Variants in POU6F2 observed in about 807,000 individuals in gnomAD.
POU6F2 encodes POU class 6 homeobox 2, also known as POU domain, class 6, transcription factor 2.
A neutral mutation model predicts 71.3 loss-of-function variants in POU6F2; 31 were observed. The observed-to-expected ratio is 0.43, with a 90% CI of 0.33 to 0.59. POU6F2 has a LOEUF of 0.59. POU6F2 is among the 20% of genes least tolerant of loss of function. The pLI, the probability that POU6F2 is intolerant of heterozygous loss-of-function variation, is 0.04. For synonymous variants in POU6F2, 347 were observed against 355.7 expected (o/e 0.98, Z 0.27); for missense variants, 783 against 856.8 (o/e 0.91, Z 1.07).
At chr7:39,438,503 T>C (rs1788306237) in intron 7 of POU6F2, among the ~76,000 whole-genome samples, 2 of 152,270 alleles carry the variant, frequency 1.3e-5, no homozygotes, top group South Asian at 4.1e-4. Flanking sequence ...AAAACCACAA[T>C]GAGATACCAT....
chr7:38,985,613 G>T (rs1788443952), intron 1 of POU6F2, among the ~76,000 whole-genome samples: 1 of 152,112 alleles, frequency 6.6e-6, no homozygotes, highest in African/African-American at 2.4e-5. Context: ...AAGAGATTTT[G>T]TGAAAGTTTG....
chr7:38,992,710 C>T (rs1054305789), intron 1 of POU6F2, among the ~76,000 whole-genome samples: 6 of 151,464 alleles, frequency 4.0e-5, no homozygotes, highest in Admixed American at 6.6e-5. Flanking sequence ...TATTTTTTTG[C>T]GGCAAAAACA....
At chr7:39,138,383 C>T (rs1010364347) in intron 2 of POU6F2, among the ~76,000 whole-genome samples, 3 of 152,180 alleles carry the variant, frequency 2.0e-5, no homozygotes, top group African/African-American at 7.2e-5. Flanking sequence ...GGCCTCACAG[C>T]AGGAGTAAGC....
intron 4 of POU6F2, among the ~76,000 whole-genome samples, chr7:39,265,168 A>T (rs1160473811): frequency 3.9e-5 from 6 of 152,184 alleles, no homozygotes; most frequent in Admixed American, 2.0e-4. Context: ...TACACACCCT[A>T]GTAAAAATTC....
chr7:39,436,122 A>G (rs780777716), intron 7 of POU6F2, among the ~76,000 whole-genome samples: 6 of 152,184 alleles, frequency 3.9e-5, no homozygotes, highest in Non-Finnish European at 7.3e-5. Flanking sequence ...CTTTGATTCC[A>G]TATGAAATTT....
intron 2 of POU6F2, among the ~76,000 whole-genome samples, chr7:39,177,583 C>G (rs1240063857): frequency 6.6e-6 from 1 of 152,228 alleles, no homozygotes; most frequent in African/African-American, 2.4e-5. Context: ...CTGGCTTAAT[C>G]TGAAGCTGGT....
At chr7:39,433,053 C>T in intron 6 of POU6F2, 24 bp from the exon 7 acceptor site, 1 of 1,611,298 alleles carries the variant, frequency 6.2e-7, no homozygotes, top group Non-Finnish European at 8.5e-7. Flanking sequence ...GAGCCAGCTC[C>T]TCACCTTTGG....
chr7:39,276,176 A>G (rs905747324), intron 4 of POU6F2, among the ~76,000 whole-genome samples: 2 of 151,422 alleles, frequency 1.3e-5, no homozygotes, highest in African/African-American at 4.8e-5. Context: ...AATATCCAGA[A>G]TCTGCAATGA....
chr7:39,327,314 C>T (rs1785528770), intron 4 of POU6F2, among the ~76,000 whole-genome samples: 1 of 151,688 alleles, frequency 6.6e-6, no homozygotes, highest in South Asian at 2.1e-4. Context: ...ACGCACATAC[C>T]CACTTAACAC....
intron 1 of POU6F2, among the ~76,000 whole-genome samples, chr7:39,061,523 A>G (rs1469592870): frequency 6.6e-6 from 1 of 152,224 alleles, no homozygotes; most frequent in African/African-American, 2.4e-5. Context: ...ATTTTGCAAT[A>G]TCATGCAACT....
At chr7:39,013,011 G>A (rs1283130544) in intron 1 of POU6F2, 1 of 152,276 alleles carries the variant, frequency 6.6e-6, no homozygotes, top group Non-Finnish European at 1.5e-5. Flanking sequence ...CAGAGGTGGA[G>A]CCTACAGAGG....
At chr7:39,414,164 A>G (rs1787618492) in intron 6 of POU6F2, among the ~76,000 whole-genome samples, 1 of 152,228 alleles carries the variant, frequency 6.6e-6, no homozygotes, top group Admixed American at 6.5e-5. Context: ...GCAGGAAGCC[A>G]TTCACACTCA....
Position 39,451,717 on chromosome 7 carries a change from G to A in POU6F2, c.1489+16G>A, listed in dbSNP as rs777211986. The A allele has an allele frequency of 6.4e-7, 1 of 1,563,956 alleles. No individual in the cohort carries two copies. The highest frequency in any genetic ancestry group is 1.2e-5 in the South Asian group (1 of 85,074). On this transcript the variant is annotated intron_variant, in intron 8 of 9. Coordinates refer to ENST00000518318, the MANE Select transcript of POU6F2 (RefSeq NM_001370959.1). Reference sequence around the variant, plus strand: ...TTAGTCAGCAGTAAGTATCCTTTCTGGCTCGGTTTAAATCGTGGTGGCCTT... The same window carrying A: ...TTAGTCAGCAGTAAGTATCCTTTCTAGCTCGGTTTAAATCGTGGTGGCCTT...
intron 2 of POU6F2, among the ~76,000 whole-genome samples, chr7:39,170,893 A>G (rs966354290): frequency 6.6e-6 from 1 of 151,958 alleles, no homozygotes. Flanking sequence ...TTACTTTCTT[A>G]ATAAACTTGC....
intron 4 of POU6F2, among the ~76,000 whole-genome samples, chr7:39,287,665 G>A (rs1314273762): frequency 3.9e-5 from 6 of 152,106 alleles, no homozygotes; most frequent in Non-Finnish European, 8.8e-5. Flanking sequence ...AAACACTTGG[G>A]TCAATCATCT....
intron 1 of POU6F2, among the ~76,000 whole-genome samples, chr7:39,062,475 A>C (rs979321309): frequency 6.6e-6 from 1 of 151,436 alleles, no homozygotes; most frequent in Non-Finnish European, 1.5e-5. Flanking sequence ...AAGTGACTAC[A>C]TAGAAAGTAG....
chr7:39,060,127 G>A (rs767389182), intron 1 of POU6F2, among the ~76,000 whole-genome samples: 11 of 151,924 alleles, frequency 7.2e-5, no homozygotes, highest in Non-Finnish European at 1.3e-4. Flanking sequence ...AGAATCGCTT[G>A]AACCCAGGAG....
intron 2 of POU6F2, among the ~76,000 whole-genome samples, chr7:39,188,695 G>A (rs1011343575): frequency 6.6e-6 from 1 of 152,182 alleles, no homozygotes; most frequent in Non-Finnish European, 1.5e-5. Flanking sequence ...GAATTTTGCA[G>A]AATCTAATTT....
In POU6F2 at chr7:39,161,309, T is replaced by C. The variant is rs114755274; in HGVS notation, c.278-42926T>C. ...TACTTTATCTTTTCAGAAAAACATT[T>C]ACATGCATCTCATTGAAACTGATAC... is the stretch of plus-strand genomic sequence containing the variant. On this transcript the variant is annotated intron_variant, in intron 2 of 9. Coordinates refer to ENST00000518318, the MANE Select transcript of POU6F2 (RefSeq NM_001370959.1). Among the ~76,000 whole-genome samples, 926 of 152,352 alleles carry C rather than the reference T, an allele frequency of 6.1e-3. 10 individuals carry two copies. The highest frequency in any genetic ancestry group is 0.022 in the South Asian group (104 of 4,826).
Sources: allele counts gnomAD v4.1 joint callset (sites outside exome capture counted in the v4.1 genomes callset), GRCh38; gene constraint gnomAD v4.1.1; transcripts MANE v1.5; gene names NCBI Gene and HGNC (gene_info 2026-07-23, HGNC 2026-07-21).